The following GABRB3 variants were observed in gnomAD, a reference collection of about 807,000 sequenced individuals.
GABRB3 encodes gamma-aminobutyric acid receptor subunit beta-3.
A neutral mutation model predicts 52.1 loss-of-function variants in GABRB3; 14 were observed. The ratio of observed to expected loss-of-function variants is 0.27; its 90% confidence interval spans 0.18 to 0.42. The LOEUF is 0.42. Among genes scored for constraint, GABRB3 ranks in the 10% least tolerant of loss-of-function variants. The pLI is 1.00. For synonymous variants in GABRB3, 260 were observed against 232.3 expected (o/e 1.12, Z -1.08); for missense variants, 307 against 609.1 (o/e 0.50, Z 5.22).
At position 26,772,697 on chromosome 15, in the gene GABRB3, T is replaced by C. The variant is rs368193507; in HGVS notation, c.156A>G (p.Leu52=). ...DKLLKGYDIR[L]RPDFGGPPVC... The stretch of plus-strand genomic sequence containing the variant: ...CCCACTTACCCCCGAAGTCGGGTCT[T>C]AGGCGAATGTCGTAGCCTTTCAACA... The change falls in exon 2 of 9, where the codon CTA becomes CTG. Residue 52 remains leucine (L), a synonymous_variant. Transcript: ENST00000311550. The C allele has an allele frequency of 1.3e-6, 2 of 1,576,332 alleles. No homozygotes were observed. Among genetic ancestry groups the C allele is most frequent in the African/African-American group, 2.8e-5 (2 of 71,198 alleles).
chr15:26,626,116 C>A (rs975084880), intron 3 of GABRB3, among the ~76,000 whole-genome samples: 2 of 152,152 alleles, frequency 1.3e-5, no homozygotes, highest in Non-Finnish European at 2.9e-5. Flanking sequence ...AGATTTCAAT[C>A]TTAGTATTTC....
chr15:26,568,684 G>GGTTTTTTTTTT (rs1555402038), intron 6 of GABRB3, among the ~76,000 whole-genome samples: 1 of 133,666 alleles, frequency 7.5e-6, no homozygotes, highest in Non-Finnish European at 1.6e-5. Flanking sequence ...TTTTTTTTTG[G>GGTTTTTTTTTT]TTTTGTATGT....
intron 5 of GABRB3, 47 bp downstream of exon 5, chr15:26,583,285 C>T (rs1434910437): frequency 6.8e-7 from 1 of 1,480,216 alleles, no homozygotes; most frequent in Non-Finnish European, 9.5e-7. Context: ...ACAAAAGGAT[C>T]AAAAGTACAA....
chr15:26,764,180 ATATATATATATATATATATAT>A (rs1448973174), intron 3 of GABRB3, among the ~76,000 whole-genome samples: 1 of 4,452 alleles, frequency 2.2e-4, no homozygotes, highest in Non-Finnish European at 3.9e-4. Context: ...AAAAAAAAAA[ATATATATATATATATATATAT>A]ATATATATAT....
intron 4 of GABRB3, chr15:26,616,086 T>C (rs1892246647): frequency 2.3e-6 from 3 of 1,289,028 alleles, no homozygotes; most frequent in African/African-American, 3.0e-5. Flanking sequence ...ATGCAATGCA[T>C]TGTTGGGTTA....
chr15:26,571,223 A>T (rs907611645), intron 6 of GABRB3, among the ~76,000 whole-genome samples: 1 of 12,120 alleles, frequency 8.3e-5, no homozygotes, highest in African/African-American at 9.4e-5. Context: ...CATACATGGA[A>T]CAGTCTGCAT....
At chr15:26,691,773 CAAAGAAAACAAAG>C (rs112897800) in intron 3 of GABRB3, among the ~76,000 whole-genome samples, 3,632 of 151,890 alleles carry the variant, frequency 0.024, 137 homozygotes, top group African/African-American at 0.083. Flanking sequence ...GTTGAGAAAA[CAAAGAAAACAAAG>C]AAAGAAAGAA....
chr15:26,709,502 C>CTT (rs1167649348), intron 3 of GABRB3, among the ~76,000 whole-genome samples: 2 of 131,298 alleles, frequency 1.5e-5, no homozygotes, highest in Admixed American at 1.7e-4. Context: ...AACCTCTTTT[C>CTT]TTTTTTTTCT....
At chr15:26,551,740 G>A (rs771219731) in intron 8 of GABRB3, among the ~76,000 whole-genome samples, 1 of 152,130 alleles carries the variant, frequency 6.6e-6, no homozygotes, top group Non-Finnish European at 1.5e-5. Flanking sequence ...AGGCAGCATT[G>A]GTTTAGAAGT....
At chr15:26,620,163 A>T (rs1454961981) in intron 4 of GABRB3, among the ~76,000 whole-genome samples, 1 of 152,132 alleles carries the variant, frequency 6.6e-6, no homozygotes, top group East Asian at 1.9e-4. Flanking sequence ...AAATGCTGAA[A>T]ACTTCCCAAA....
intron 3 of GABRB3, among the ~76,000 whole-genome samples, chr15:26,675,440 T>C (rs144751418): frequency 7.9e-5 from 12 of 152,252 alleles, no homozygotes; most frequent in African/African-American, 2.9e-4. Flanking sequence ...TCTGTGTGTG[T>C]GCCTGTGCAT....
chr15:26,772,624 C>A, intron 2 of GABRB3, 57 bp downstream of exon 2: 1 of 1,479,492 alleles, frequency 6.8e-7, no homozygotes, highest in South Asian at 1.3e-5. Context: ...TCCCTCCGCC[C>A]AGGCCGCCGC....
In GABRB3 at chr15:26,616,102, A is replaced by G. The variant is rs151167743; in HGVS notation, c.461+5212T>C. 1,199 of 1,285,290 alleles carry G rather than the reference A, an allele frequency of 9.3e-4. 9 individuals are homozygous for G. In the African/African-American group the frequency reaches 0.017, roughly 18 times the overall value. 79.6% of individuals were successfully genotyped at this position (1,285,290 alleles called of 1,614,324 possible). ...TGCAATGCATTGTTGGGTTACACAC[A>G]CTGGCCCACTCCGGGCCTGCCATGT... is the stretch of plus-strand genomic sequence containing the variant. On this transcript the variant is annotated intron_variant, in intron 4 of 8. Coordinates refer to ENST00000311550, the MANE Select transcript of GABRB3 (RefSeq NM_000814.6).
intron 3 of GABRB3, among the ~76,000 whole-genome samples, chr15:26,724,255 G>A (rs532591541): frequency 1.3e-5 from 2 of 152,144 alleles, no homozygotes; most frequent in African/African-American, 4.8e-5. Flanking sequence ...CTCCTCCTGG[G>A]CCATCACAGC....
chr15:26,597,039 C>G (rs1302741169), intron 4 of GABRB3, among the ~76,000 whole-genome samples: 1 of 152,090 alleles, frequency 6.6e-6, no homozygotes, highest in Non-Finnish European at 1.5e-5. Flanking sequence ...ATAAAGCCAC[C>G]AGTTCCTCTC....
chr15:26,559,455 T>C (rs1889896910), intron 8 of GABRB3, among the ~76,000 whole-genome samples: 1 of 152,070 alleles, frequency 6.6e-6, no homozygotes. Context: ...GTCTCAGGTA[T>C]TCCTTTATAG....
intron 4 of GABRB3, among the ~76,000 whole-genome samples, chr15:26,596,533 T>C (rs1053084914): frequency 6.6e-6 from 1 of 152,048 alleles, no homozygotes; most frequent in African/African-American, 2.4e-5. Context: ...TTATAAAACA[T>C]TCCCCCCAAA....
chr15:26,764,215 TATATATATATATATATATATAG>T (rs1890930488), intron 3 of GABRB3, among the ~76,000 whole-genome samples: 2 of 83,556 alleles, frequency 2.4e-5, no homozygotes, highest in Admixed American at 1.4e-4. Context: ...TATATATATA[TATATATATATATATATATATAG>T]TGTCATGAAT....
At chr15:26,573,215 G>A (rs8030011) in intron 6 of GABRB3, among the ~76,000 whole-genome samples, 22,700 of 152,068 alleles carry the variant, frequency 0.15, 1,811 homozygotes, top group African/African-American at 0.21. Context: ...ACTTAGAGCC[G>A]TTCTGGGCCC....
Sources: gnomAD v4.1 joint callset for allele counts (sites outside exome capture counted in the v4.1 genomes callset) on GRCh38, gnomAD v4.1.1 for gene constraint, MANE v1.5 for transcripts, NCBI Gene and HGNC (gene_info 2026-07-23, HGNC 2026-07-21) for gene names.